The following SRPX variants were observed in gnomAD, a reference collection of about 807,000 sequenced individuals.
The protein encoded by SRPX is sushi repeat containing protein X-linked.
In SRPX, 24 loss-of-function variants were observed where a neutral mutation model predicts 38.1. The ratio of observed to expected loss-of-function variants is 0.63; its 90% confidence interval spans 0.46 to 0.89. The LOEUF (loss-of-function observed/expected upper bound fraction) is 0.89, where lower values mean the gene tolerates loss of function less well. Ranked by LOEUF, SRPX falls within the 40% of genes least tolerant of loss-of-function variation. The probability of loss-of-function intolerance (pLI) is 0.00; values close to 1 mark genes in which losing one functional copy is unlikely to be tolerated. For missense variants in SRPX, 416 were observed against 377.8 expected (o/e 1.10, Z -0.84); for synonymous variants, 184 against 153.8 (o/e 1.20, Z -1.45).
At chrX:38,180,196 G>A (rs1224648880) in intron 1 of SRPX, among the ~76,000 whole-genome samples, 1 of 110,995 alleles carries the variant, frequency 9.0e-6, no homozygotes, top group Non-Finnish European at 1.9e-5. Flanking sequence ...TTTTGCCCTC[G>A]GTTGTCATCC....
At chrX:38,150,534 C>A (rs1163752568) in intron 9 of SRPX, among the ~76,000 whole-genome samples, 2 of 112,088 alleles carry the variant, frequency 1.8e-5, no homozygotes, top group African/African-American at 6.5e-5. Flanking sequence ...TTGCAATGCA[C>A]AGCCAACTGT....
At chrX:38,185,433 C>A (rs1430469906) in intron 1 of SRPX, among the ~76,000 whole-genome samples, 1 of 111,930 alleles carries the variant, frequency 8.9e-6, no homozygotes, top group Non-Finnish European at 1.9e-5. Flanking sequence ...AGCTGTGGTA[C>A]AGTATGAAGG....
chrX:38,209,555 C>T (rs763376941), intron 1 of SRPX, among the ~76,000 whole-genome samples: 1 of 112,024 alleles, frequency 8.9e-6, no homozygotes, highest in Non-Finnish European at 1.9e-5. Context: ...AGCTTCCCTC[C>T]TATCTGAATG....
chrX:38,187,460 C>G (rs1377550410), intron 1 of SRPX, among the ~76,000 whole-genome samples: 3 of 112,091 alleles, frequency 2.7e-5, no homozygotes, highest in African/African-American at 9.7e-5. Context: ...CAAGTTTACT[C>G]TATGAGTTCA....
intron 1 of SRPX, among the ~76,000 whole-genome samples, chrX:38,206,075 C>A (rs1939204758): frequency 8.9e-6 from 1 of 112,907 alleles, no homozygotes; most frequent in Non-Finnish European, 1.9e-5. Flanking sequence ...TGGATCTATG[C>A]CTTAAGTGTC....
chrX:38,220,268 G>T (rs1473117500), intron 1 of SRPX, among the ~76,000 whole-genome samples: 1 of 113,725 alleles, frequency 8.8e-6, no homozygotes, highest in African/African-American at 3.2e-5. Flanking sequence ...AGCCTGGGAC[G>T]TGTAGTGGGA....
In SRPX at chrX:38,185,479, A is replaced by T. The variant is rs1938758023; in HGVS notation, c.98-7135T>A. On this transcript the variant is annotated intron_variant, in intron 1 of 9. Transcript: ENST00000378533. ...AGCTTCTGAACAAAGATCAAATCCAAGGCATTGCCAGAAAAACATGATTTA... is the reference window on the plus strand; with the variant it reads ...AGCTTCTGAACAAAGATCAAATCCATGGCATTGCCAGAAAAACATGATTTA... Among the ~76,000 whole-genome samples, 3 of 112,056 alleles carry T rather than the reference A, an allele frequency of 2.7e-5. No individual in the cohort carries two copies. The South Asian group carries it at 1.1e-3, about 41-fold the overall frequency.
At chrX:38,188,419 C>G (rs1207620848) in intron 1 of SRPX, among the ~76,000 whole-genome samples, 1 of 111,732 alleles carries the variant, frequency 8.9e-6, no homozygotes, top group African/African-American at 3.3e-5. Flanking sequence ...AACTGTTGAC[C>G]CCATTTAGTA....
At chrX:38,188,721 T>C (rs1028418804) in intron 1 of SRPX, among the ~76,000 whole-genome samples, 6 of 111,497 alleles carry the variant, frequency 5.4e-5, no homozygotes, top group Non-Finnish European at 1.1e-4. Flanking sequence ...CTAATTAACA[T>C]ATCCATCACC....
intron 9 of SRPX, 98 bp downstream of exon 9, chrX:38,154,364 T>C: frequency 1.0e-6 from 1 of 967,861 alleles, no homozygotes; most frequent in East Asian, 3.4e-5. Context: ...CATTGAAGGT[T>C]GCCTGAACTC....
At chrX:38,180,373 G>A (rs956986236) in intron 1 of SRPX, among the ~76,000 whole-genome samples, 2 of 111,224 alleles carry the variant, frequency 1.8e-5, no homozygotes, top group African/African-American at 6.5e-5. Flanking sequence ...CTGCCATTTG[G>A]ACATAAGTAT....
At chrX:38,210,475 G>C (rs1939299058) in intron 1 of SRPX, among the ~76,000 whole-genome samples, 1 of 112,221 alleles carries the variant, frequency 8.9e-6, no homozygotes, top group South Asian at 3.8e-4. Context: ...GTGCTTCATG[G>C]AAGGAAGTAG....
rs201908186 is a variant in SRPX, at chrX:38,157,022, G to A, written c.963C>T (p.Asn321=). 93 of 1,208,906 alleles carry A rather than the reference G, an allele frequency of 7.7e-5. No individual in the cohort carries two copies. Among genetic ancestry groups the A allele is most frequent in the East Asian group, 6.8e-4 (23 of 33,725 alleles). The change falls in exon 8 of 10, where the codon AAC becomes AAT. Residue 321 remains asparagine (N), a synonymous_variant. Transcript: ENST00000378533. ...CTGCCGTTCTGACACCCACATTGAC[G>A]TTCATGGCTGTAATCAGAAATGGCC... ...SGTEPTCAAM[N]VNVGVRTAAA...
At chrX:38,198,947 C>G (rs1340543121) in intron 1 of SRPX, among the ~76,000 whole-genome samples, 2 of 111,117 alleles carry the variant, frequency 1.8e-5, no homozygotes, top group East Asian at 5.7e-4. Flanking sequence ...GGTCAGAAAC[C>G]TGCCACTATC....
At chrX:38,162,271 A>C (rs1275287439) in intron 5 of SRPX, among the ~76,000 whole-genome samples, 1 of 112,057 alleles carries the variant, frequency 8.9e-6, no homozygotes, top group Non-Finnish European at 1.9e-5. Flanking sequence ...CTCCCTCACA[A>C]GGGAGCGATA....
intron 7 of SRPX, among the ~76,000 whole-genome samples, chrX:38,158,969 G>C (rs1425247179): frequency 9.0e-6 from 1 of 110,885 alleles, no homozygotes; most frequent in Non-Finnish European, 1.9e-5. Flanking sequence ...GACAGAGAGA[G>C]ACTACATCTC....
At chrX:38,187,078 G>C (rs189116971) in intron 1 of SRPX, among the ~76,000 whole-genome samples, 92 of 111,366 alleles carry the variant, frequency 8.3e-4, no homozygotes, top group Non-Finnish European at 2.8e-4. Flanking sequence ...AAATTAAATG[G>C]CATAATATAT....
chrX:38,202,431 G>A (rs1939130308), intron 1 of SRPX, among the ~76,000 whole-genome samples: 1 of 111,154 alleles, frequency 9.0e-6, no homozygotes, highest in Admixed American at 9.5e-5. Context: ...TTAGAAAAAG[G>A]AAAAGGCCTC....
At chrX:38,212,333 A>G (rs73206737) in intron 1 of SRPX, among the ~76,000 whole-genome samples, 1 of 111,694 alleles carries the variant, frequency 9.0e-6, no homozygotes, top group Admixed American at 9.5e-5. Flanking sequence ...GACTTAGGAA[A>G]GGAAGGTCAG....
Sources: gnomAD v4.1 joint callset for allele counts (sites outside exome capture counted in the v4.1 genomes callset) on GRCh38, gnomAD v4.1.1 for gene constraint, MANE v1.5 for transcripts, NCBI Gene and HGNC (gene_info 2026-07-23, HGNC 2026-07-21) for gene names.